Variants in CNMD observed in about 807,000 individuals in gnomAD.
The protein encoded by CNMD is chondromodulin.
Under a neutral mutation model 37.5 loss-of-function variants are expected in CNMD, and 30 were observed. The observed-to-expected ratio is 0.80, with a 90% CI of 0.60 to 1.09. CNMD has a LOEUF of 1.09. Among genes scored for constraint, CNMD ranks in the 50% least tolerant of loss-of-function variants. The pLI is 0.00. For missense variants in CNMD, 398 were observed against 423.9 expected, an observed-to-expected ratio of 0.94 and a Z score of 0.54; for synonymous variants, 167 against 148.2, an observed-to-expected ratio of 1.13 and a Z score of -0.92.
chr13:52,735,291 T>C (rs558038584), intron 2 of CNMD, among the ~76,000 whole-genome samples: 1 of 152,256 alleles, frequency 6.6e-6, no homozygotes, highest in East Asian at 1.9e-4. Context: ...TTCATATGGG[T>C]CAGTGATGAC....
rs1382205084 is a variant in CNMD, at chr13:52,708,687, C to T, written c.638G>A (p.Arg213Lys). The T allele has an allele frequency of 4.4e-6, 7 of 1,600,564 alleles. No homozygotes were observed. In the South Asian group the frequency reaches 6.8e-5, roughly 16 times the overall value. ...AACAATTTTTCTTACCACTTCTCTTCTTTCCCTCTGGATTTCTGCAAAAAT... is the reference window on the plus strand; with the variant it reads ...AACAATTTTTCTTACCACTTCTCTTTTTTCCCTCTGGATTTCTGCAAAAAT... ...PTYPKEIQRE[R>K]REVVRKIVPT... is the part of the protein sequence containing the mutation. The change falls in exon 6 of 7, where the codon AGA becomes AAA. Residue 213 changes from arginine to lysine, a missense_variant. By Grantham distance (26) the Arg-to-Lys change is conservative. Coordinates refer to ENST00000377962, the MANE Select transcript of CNMD (RefSeq NM_007015.3).
intron 3 of CNMD, among the ~76,000 whole-genome samples, chr13:52,729,887 G>T (rs1270218825): frequency 6.6e-6 from 1 of 151,708 alleles, no homozygotes; most frequent in Non-Finnish European, 1.5e-5. Context: ...GTGCAGGTTT[G>T]TTACATATGT....
intron 3 of CNMD, among the ~76,000 whole-genome samples, 180 bp from the exon 4 acceptor site, chr13:52,724,290 G>A (rs982484402): frequency 6.6e-6 from 1 of 151,672 alleles, no homozygotes; most frequent in Non-Finnish European, 1.5e-5. Flanking sequence ...AAACAGCCGG[G>A]CGGCCTGGCG....
rs1964120292 is a variant in CNMD, at chr13:52,703,542, G to T, written c.*53C>A. 1.6e-6 allele frequency: 2 copies of T among 1,288,146 alleles called. No homozygotes were observed. The highest frequency in any genetic ancestry group is 2.2e-6 in the Non-Finnish European group (2 of 892,640). The allele number at this position is 1,288,146 out of a possible 1,614,324, so 79.8% of individuals were successfully genotyped here. A position where few individuals can be genotyped will look rare whatever the true frequency, so the allele number is the denominator to read the frequency against. On this transcript the variant is annotated 3_prime_UTR_variant, in exon 7 of 7. Coordinates refer to ENST00000377962, the MANE Select transcript of CNMD (RefSeq NM_007015.3). ...CATCAACCTGCCTTAATGCTTCTTT[G>T]GTTGTCTCTTCAGCTAGTTCTTATT...
At chr13:52,706,514 T>C (rs1964176709) in intron 6 of CNMD, among the ~76,000 whole-genome samples, 1 of 152,206 alleles carries the variant, frequency 6.6e-6, no homozygotes, top group African/African-American at 2.4e-5. Flanking sequence ...ATGTACAAGA[T>C]TGTATCCTGT....
chr13:52,735,375 T>C, intron 2 of CNMD, among the ~76,000 whole-genome samples: 1 of 152,208 alleles, frequency 6.6e-6, no homozygotes, highest in Non-Finnish European at 1.5e-5. Flanking sequence ...CTGTGTTTTT[T>C]TTTAAGAACA....
intron 6 of CNMD, among the ~76,000 whole-genome samples, chr13:52,707,951 A>G (rs964837325): frequency 2.6e-5 from 4 of 151,764 alleles, no homozygotes; most frequent in African/African-American, 9.7e-5. Context: ...CTACTAAAAA[A>G]AAAAATACAA....
At position 52,739,658 on chromosome 13, in the gene CNMD, G is replaced by A. The variant is rs1405328298; in HGVS notation, c.44C>T (p.Pro15Leu). Residue 15 changes from proline (P) to leucine (L), a missense_variant, in exon 1 of 7, where the codon CCT (proline) becomes CTT (leucine). Physicochemically the swap from Pro to Leu is moderately conservative, Grantham distance 98. Coordinates refer to ENST00000377962, the MANE Select transcript of CNMD (RefSeq NM_007015.3). This position sits in a 1 kb window ranked among gnomAD's most constrained non-coding sequence, Gnocchi z 5.4. ...GGGGCTGCAGAATTCCACGTCATCAGGTCCCACCAGGGCAATGGGAACTTT... is the reference window on the plus strand; with the variant it reads ...GGGGCTGCAGAATTCCACGTCATCAAGTCCCACCAGGGCAATGGGAACTTT... ...SDKVPIALVG[P>L]DDVEFCSPPA... The A allele has an allele frequency of 1.2e-6, 2 of 1,614,136 alleles. No homozygotes were observed. Among genetic ancestry groups the A allele is most frequent in the South Asian group, 2.2e-5 (2 of 91,082 alleles).
rs1964581062 is a variant in CNMD, at chr13:52,726,798, A to G, written c.355-2688T>C. The stretch of plus-strand genomic sequence containing the variant: ...GAAAAAAAATTAAATATTGATATTA[A>G]AGAAGCTCCGTGAGATACAAGAGAA... On this transcript the variant is annotated intron_variant, in intron 3 of 6. Transcript: ENST00000377962. 2.0e-5 allele frequency among the ~76,000 whole-genome samples: 3 copies of G among 152,198 alleles called. No homozygotes were observed. In the East Asian group the frequency reaches 5.8e-4, roughly 29 times the overall value.
At position 52,739,411 on chromosome 13, in the gene CNMD, C is replaced by A; in HGVS notation, c.72+219G>T. Reference sequence around the variant, plus strand: ...AGGGCCTTCGCCCCAGGACCTGCACCCTCTACCGGCCACGGGACGTCCCTC... The same window carrying A: ...AGGGCCTTCGCCCCAGGACCTGCACACTCTACCGGCCACGGGACGTCCCTC... On this transcript the variant is annotated intron_variant, in intron 1 of 6. Coordinates refer to ENST00000377962, the MANE Select transcript of CNMD (RefSeq NM_007015.3). This position sits in a 1 kb window ranked among gnomAD's most constrained non-coding sequence, Gnocchi z 5.4. The A allele has an allele frequency of 1.5e-6, 1 of 663,574 alleles. No individual in the cohort carries two copies. The allele number at this position is 663,574 out of a possible 1,614,324, so 41.1% of individuals were successfully genotyped here.
chr13:52,733,211 A>G lies in CNMD; in HGVS notation c.354+8T>C. ...GTTAAATTCTCTAAATGCATGAAAT[A>G]TACTTACATTCTGGAAATCATTAAC... On this transcript the variant is annotated splice_region_variant and intron_variant, in intron 3 of 6. Transcript: ENST00000377962. 6.2e-7 allele frequency: 1 copy of G among 1,614,030 alleles called. No individual in the cohort carries two copies. The highest frequency in any genetic ancestry group is 8.5e-7 in the Non-Finnish European group (1 of 1,179,882).
chr13:52,707,883 G>T (rs1964213430), intron 6 of CNMD, among the ~76,000 whole-genome samples: 1 of 151,820 alleles, frequency 6.6e-6, no homozygotes, highest in African/African-American at 2.4e-5. Flanking sequence ...CAAGGCAGGT[G>T]GATCACCTGA....
chr13:52,705,793 C>G (rs1964164197), intron 6 of CNMD, among the ~76,000 whole-genome samples: 1 of 152,076 alleles, frequency 6.6e-6, no homozygotes, highest in Non-Finnish European at 1.5e-5. Flanking sequence ...AAGACTGGAT[C>G]CAAGGCAAAG....
In CNMD at chr13:52,739,276, G is replaced by A; in HGVS notation, c.73-105C>T. 1 of 1,322,962 alleles carries A rather than the reference G, an allele frequency of 7.6e-7. No homozygotes were observed. The highest frequency in any genetic ancestry group is 9.9e-7 in the Non-Finnish European group (1 of 1,010,856). 82.0% of individuals were successfully genotyped at this position (1,322,962 alleles called of 1,614,324 possible). On this transcript the variant is annotated intron_variant, in intron 1 of 6. Transcript: ENST00000377962. The surrounding 1 kb of genome is among the most constrained non-coding windows in gnomAD (Gnocchi z 5.4). ...GGTAGCCCCCAGGGAGTGGGGAGTC[G>A]GGCGGGAAACAGCTCGCCCGGGCTC... is the stretch of plus-strand genomic sequence containing the variant.
At chr13:52,712,685 G>T (rs200298078) in intron 5 of CNMD, 31 bp downstream of exon 5, 2 of 1,422,910 alleles carry the variant, frequency 1.4e-6, no homozygotes, top group Non-Finnish European at 1.9e-6. Flanking sequence ...AGGGAAAGTT[G>T]TAAACAGCTT....
intron 6 of CNMD, among the ~76,000 whole-genome samples, chr13:52,706,739 A>G (rs12018811): frequency 0.036 from 65 of 1,830 alleles, 3 homozygotes; most frequent in South Asian, 0.18. Flanking sequence ...GTGTGTGTGT[A>G]TGTGTGTGTG....
intron 5 of CNMD, among the ~76,000 whole-genome samples, chr13:52,712,288 G>A (rs1369300603): frequency 5.3e-5 from 8 of 152,200 alleles, no homozygotes; most frequent in Admixed American, 4.6e-4. Flanking sequence ...ACCCATAGCA[G>A]CTTTTGGCTG....
Position 52,708,626 on chromosome 13 carries a change from C to CCGTG in CNMD, c.695_698dup (p.Ser234ThrfsTer11). The CCGTG allele has an allele frequency of 3.1e-6, 5 of 1,613,942 alleles. No individual in the cohort carries two copies. The highest frequency in any genetic ancestry group is 4.2e-6 in the Non-Finnish European group (5 of 1,179,884). Reference sequence around the variant, plus strand: ...TCAGTCTTCCAGCGCCTGGGTTGCTCCGTGGTCCACTGTGTGGTCTTTTTG... The same window carrying CCGTG: ...TCAGTCTTCCAGCGCCTGGGTTGCTCCGTGCGTGGTCCACTGTGTGGTCTTTTTG... On this transcript the variant is annotated frameshift_variant, in exon 6 of 7. Coordinates refer to ENST00000377962, the MANE Select transcript of CNMD (RefSeq NM_007015.3). LOFTEE classifies it high-confidence loss of function.
At chr13:52,706,507 T>C (rs967852010) in intron 6 of CNMD, among the ~76,000 whole-genome samples, 8 of 152,248 alleles carry the variant, frequency 5.3e-5, no homozygotes, top group Admixed American at 3.9e-4. Flanking sequence ...GTAAGTCATG[T>C]ACAAGATTGT....
Sources: allele counts gnomAD v4.1 joint callset (sites outside exome capture counted in the v4.1 genomes callset), GRCh38; gene constraint gnomAD v4.1.1; non-coding constraint Gnocchi (gnomAD v3.1); transcripts MANE v1.5; gene names NCBI Gene and HGNC (gene_info 2026-07-23, HGNC 2026-07-21).